The following DLGAP2 variants were observed in gnomAD, a reference collection of about 807,000 sequenced individuals.
The protein encoded by DLGAP2 is disks large-associated protein 2.
A neutral mutation model predicts 100.3 loss-of-function variants in DLGAP2; 26 were observed. The ratio of observed to expected loss-of-function variants is 0.26; its 90% CI spans 0.19 to 0.36. DLGAP2 has a LOEUF of 0.36. Among genes scored for constraint, DLGAP2 ranks in the 10% least tolerant of loss-of-function variants. The probability of loss-of-function intolerance (pLI) is 1.00; values close to 1 mark genes in which losing one functional copy is unlikely to be tolerated. For synonymous variants in DLGAP2, 886 were observed against 630.1 expected (o/e 1.41, Z -6.08); for missense variants, 1,858 against 1,453.2 (o/e 1.28, Z -4.53).
At chr8:961,905 A>T (rs1264491147) in intron 2 of DLGAP2, among the ~76,000 whole-genome samples, 3 of 152,210 alleles carry the variant, frequency 2.0e-5, no homozygotes, top group Non-Finnish European at 4.4e-5. Flanking sequence ...TTTGATCACC[A>T]TGTGGAGTGG....
intron 1 of DLGAP2, among the ~76,000 whole-genome samples, chr8:802,604 C>G (rs932706134): frequency 6.6e-6 from 1 of 152,140 alleles, no homozygotes; most frequent in African/African-American, 2.4e-5. Context: ...GACCCAGCCA[C>G]CCTCAGAACC....
At chr8:1,238,216 CACCGTGTCTAGTTCTCTCACATGGT>C in intron 2 of DLGAP2, among the ~76,000 whole-genome samples, 1 of 43,146 alleles carries the variant, frequency 2.3e-5, no homozygotes, top group Middle Eastern at 0.014. Flanking sequence ...TCTCACATGG[CACCGTGTCTAGTTCTCTCACATGGT>C]GCCATGTCTA....
At chr8:758,290 G>A (rs1489140491) in intron 1 of DLGAP2, among the ~76,000 whole-genome samples, 2 of 152,112 alleles carry the variant, frequency 1.3e-5, no homozygotes, top group Non-Finnish European at 2.9e-5. Context: ...TGTACTTTCT[G>A]AATAAACCTT....
At chr8:795,240 G>A (rs945357490) in intron 1 of DLGAP2, among the ~76,000 whole-genome samples, 2 of 152,196 alleles carry the variant, frequency 1.3e-5, no homozygotes, top group Non-Finnish European at 2.9e-5. Context: ...CAATCAATCA[G>A]TGCATAACCT....
intron 1 of DLGAP2, among the ~76,000 whole-genome samples, chr8:762,639 C>A (rs1048506420): frequency 6.6e-6 from 1 of 151,990 alleles, no homozygotes; most frequent in African/African-American, 2.4e-5. Context: ...TCTTGAGGTC[C>A]ACTGAATACA....
At chr8:1,434,080 T>G (rs771047103) in intron 3 of DLGAP2, among the ~76,000 whole-genome samples, 3 of 152,162 alleles carry the variant, frequency 2.0e-5, no homozygotes, top group Non-Finnish European at 4.4e-5. Context: ...TGAGGCTCTG[T>G]GCTATGGGCG....
chr8:1,100,531 C>T (rs749743213), intron 2 of DLGAP2, among the ~76,000 whole-genome samples: 10 of 141,000 alleles, frequency 7.1e-5, no homozygotes, highest in East Asian at 4.6e-4. Flanking sequence ...TGTGCGTGCA[C>T]GTGCCTACCC....
At chr8:1,371,691 C>T (rs186804479) in intron 3 of DLGAP2, among the ~76,000 whole-genome samples, 1 of 152,318 alleles carries the variant, frequency 6.6e-6, no homozygotes, top group African/African-American at 2.4e-5. Flanking sequence ...CAGGACATCT[C>T]AGGGCTGAGC....
At chr8:777,317 G>T (rs1280047445) in intron 1 of DLGAP2, among the ~76,000 whole-genome samples, 1 of 151,714 alleles carries the variant, frequency 6.6e-6, no homozygotes, top group Non-Finnish European at 1.5e-5. Context: ...TTGCCAGTCT[G>T]TGTCTTTTAA....
intron 2 of DLGAP2, among the ~76,000 whole-genome samples, chr8:1,093,240 C>T (rs1290881304): frequency 6.6e-6 from 1 of 152,032 alleles, no homozygotes; most frequent in Non-Finnish European, 1.5e-5. Flanking sequence ...CAGACAGAAA[C>T]ACCTTCACAC....
chr8:1,284,100 T>G (rs546094318), intron 3 of DLGAP2, among the ~76,000 whole-genome samples: 1 of 152,326 alleles, frequency 6.6e-6, no homozygotes, highest in African/African-American at 2.4e-5. Context: ...GCCCTGTCCT[T>G]AGAGCAGCAG....
chr8:1,497,923 G>A (rs987765766), intron 3 of DLGAP2, among the ~76,000 whole-genome samples: 4 of 152,194 alleles, frequency 2.6e-5, no homozygotes, highest in South Asian at 2.1e-4. Context: ...CCCACAGCCC[G>A]TGGCACAGCC....
At chr8:1,320,394 G>A (rs971763138) in intron 3 of DLGAP2, among the ~76,000 whole-genome samples, 4 of 152,206 alleles carry the variant, frequency 2.6e-5, no homozygotes, top group South Asian at 4.2e-4. Context: ...CCCTGGAGCC[G>A]GACCGGAGGA....
rs1045648530 is a variant in DLGAP2 at position 1,091,341 on chromosome 8, G to T, written c.74-167510G>T. Among the ~76,000 whole-genome samples, 8 of 152,256 alleles carry T rather than the reference G, an allele frequency of 5.3e-5. 1 individual carries two copies. Among genetic ancestry groups the T allele is most frequent in the Admixed American group, 2.0e-4 (3 of 15,292 alleles). On this transcript the variant is annotated intron_variant, in intron 2 of 14. Transcript: ENST00000637795. ...TGTACAAAAATGTTCAGAAGCGTCT[G>T]CTGAGCATTGGGTTGGCGAAGGACA...
At chr8:1,046,962 G>GT (rs11368371) in intron 2 of DLGAP2, among the ~76,000 whole-genome samples, 130,208 of 151,750 alleles carry the variant, frequency 0.86, 57,207 homozygotes, top group Non-Finnish European at 0.96. Flanking sequence ...AAAATAATAG[G>GT]TTTTTTTTAA....
At chr8:1,584,600 A>G (rs1416740482) in intron 6 of DLGAP2, among the ~76,000 whole-genome samples, 2 of 152,152 alleles carry the variant, frequency 1.3e-5, no homozygotes, top group Non-Finnish European at 2.9e-5. Context: ...TTGCACTCTG[A>G]TCGGTCCAGC....
intron 1 of DLGAP2, among the ~76,000 whole-genome samples, chr8:811,498 C>T (rs2132671124): frequency 6.8e-6 from 1 of 147,698 alleles, no homozygotes; most frequent in Non-Finnish European, 1.5e-5. Context: ...AGGGCTCCTG[C>T]CGTGGTGAGA....
At chr8:1,175,198 C>G (rs924582338) in intron 2 of DLGAP2, among the ~76,000 whole-genome samples, 1 of 151,944 alleles carries the variant, frequency 6.6e-6, no homozygotes, top group Non-Finnish European at 1.5e-5. Context: ...AAATTACTAA[C>G]TAGTAACCCG....
chr8:1,479,016 A>G (rs1038680338), intron 3 of DLGAP2, among the ~76,000 whole-genome samples: 1 of 152,238 alleles, frequency 6.6e-6, no homozygotes, highest in Non-Finnish European at 1.5e-5. Flanking sequence ...CATTTCACAA[A>G]TGATGCTGAA....
Sources: gnomAD v4.1 joint callset for allele counts (sites outside exome capture counted in the v4.1 genomes callset) on GRCh38, gnomAD v4.1.1 for gene constraint, MANE v1.5 for transcripts, NCBI Gene and HGNC (gene_info 2026-07-23, HGNC 2026-07-21) for gene names.